PLEKHA5: variants seen among roughly 807,000 people sequenced by gnomAD.
The protein encoded by PLEKHA5 is pleckstrin homology domain containing A5.
PLEKHA5 carries 55 observed loss-of-function variants against 181.9 expected under a neutral mutation model. The observed-to-expected ratio is 0.30, with a 90% CI of 0.24 to 0.38. The LOEUF (loss-of-function observed/expected upper bound fraction) is 0.38. PLEKHA5 is among the 10% of genes least tolerant of loss of function. The probability of loss-of-function intolerance (pLI) is 1.00; values close to 1 mark genes in which losing one functional copy is unlikely to be tolerated. For synonymous variants in PLEKHA5, 535 were observed against 529.4 expected, an observed-to-expected ratio of 1.01 and a Z score of -0.15; for missense variants, 1,432 against 1,549.5, an observed-to-expected ratio of 0.92 and a Z score of 1.27.
intron 20 of PLEKHA5, among the ~76,000 whole-genome samples, chr12:19,335,692 C>T (rs912865741): frequency 6.1e-5 from 9 of 148,498 alleles, no homozygotes; most frequent in Admixed American, 4.8e-4. Context: ...CCTCCTGAGG[C>T]GCAATCTCGG....
At chr12:19,260,922 A>G in intron 6 of PLEKHA5, 27 bp from the exon 7 acceptor site, 1 of 1,365,390 alleles carries the variant, frequency 7.3e-7, no homozygotes, top group Non-Finnish European at 1.0e-6. Flanking sequence ...TTGAGAAATA[A>G]TCCTTAAATA....
chr12:19,375,238 C>A (rs543872587), intron 31 of PLEKHA5, among the ~76,000 whole-genome samples: 3 of 151,560 alleles, frequency 2.0e-5, no homozygotes, highest in Non-Finnish European at 4.4e-5. Context: ...GCAGGAGAAT[C>A]GCTTGAACCC....
At chr12:19,246,640 A>T (rs7975111) in intron 3 of PLEKHA5, among the ~76,000 whole-genome samples, 21 of 151,282 alleles carry the variant, frequency 1.4e-4, no homozygotes, top group African/African-American at 5.1e-4. Context: ...ACAATCTAGT[A>T]CATTTAGTAC....
chr12:19,210,926 A>G (rs1171587080), intron 3 of PLEKHA5, among the ~76,000 whole-genome samples: 1 of 151,236 alleles, frequency 6.6e-6, no homozygotes, highest in Non-Finnish European at 1.5e-5. Context: ...TTTTTTTTAT[A>G]TTTGAAGAGT....
At chr12:19,366,327 C>T (rs2095420915) in intron 30 of PLEKHA5, among the ~76,000 whole-genome samples, 1 of 152,078 alleles carries the variant, frequency 6.6e-6, no homozygotes, top group Non-Finnish European at 1.5e-5. Context: ...TTGCTTTTTC[C>T]TTTCAATTTT....
intron 21 of PLEKHA5, among the ~76,000 whole-genome samples, chr12:19,341,773 C>A (rs1306701779): frequency 6.6e-6 from 1 of 151,838 alleles, no homozygotes; most frequent in Non-Finnish European, 1.5e-5. Flanking sequence ...CACTCTGTCA[C>A]CTAGGCTGGA....
chr12:19,362,799 A>G (rs931449902), intron 29 of PLEKHA5, among the ~76,000 whole-genome samples: 19 of 152,118 alleles, frequency 1.2e-4, no homozygotes, highest in Admixed American at 7.2e-4. Flanking sequence ...CTTAAAAAAA[A>G]AAAGTCAAAA....
intron 3 of PLEKHA5, among the ~76,000 whole-genome samples, chr12:19,196,301 G>C (rs1261344484): frequency 6.6e-6 from 1 of 152,132 alleles, no homozygotes; most frequent in African/African-American, 2.4e-5. Flanking sequence ...TTTAATAGTA[G>C]ATTTTTCATA....
intron 15 of PLEKHA5, among the ~76,000 whole-genome samples, chr12:19,303,013 C>G (rs1322783733): frequency 7.0e-6 from 1 of 142,878 alleles, no homozygotes; most frequent in Non-Finnish European, 1.5e-5. Context: ...CCTCCATTTC[C>G]CGGGTTCAAC....
At chr12:19,319,952 GT>G (rs1230531012) in intron 16 of PLEKHA5, 68 bp from the exon 17 acceptor site, 2 of 1,067,752 alleles carry the variant, frequency 1.9e-6, no homozygotes, top group Non-Finnish European at 1.3e-6. Flanking sequence ...TAGGCTTTCA[GT>G]TTTATAAGAT....
intron 3 of PLEKHA5, among the ~76,000 whole-genome samples, chr12:19,222,821 C>A (rs1417537863): frequency 6.6e-6 from 1 of 151,928 alleles, no homozygotes; most frequent in Non-Finnish European, 1.5e-5. Context: ...CTCTGCTTAC[C>A]CTGCCAAAGA....
chr12:19,161,468 G>A (rs561473006), intron 3 of PLEKHA5, among the ~76,000 whole-genome samples: 29 of 152,104 alleles, frequency 1.9e-4, no homozygotes, highest in Non-Finnish European at 3.8e-4. Flanking sequence ...TTACCGGTTA[G>A]CTGCTTATTA....
chr12:19,150,766 A>G (rs1010814519), intron 3 of PLEKHA5: 1 of 152,268 alleles, frequency 6.6e-6, no homozygotes, highest in Admixed American at 6.5e-5. Context: ...GGCCGTGGTC[A>G]GTAGGAGCTC....
intron 11 of PLEKHA5, among the ~76,000 whole-genome samples, chr12:19,280,510 C>T (rs7304856): frequency 0.066 from 10,082 of 151,986 alleles, 572 homozygotes; most frequent in East Asian, 0.18. Flanking sequence ...CATGTAATTA[C>T]CAATATCTCT....
rs1383845259 is a variant in PLEKHA5, at chr12:19,365,617, T to C, written c.3609-347T>C. Among the ~76,000 whole-genome samples the C allele has an allele frequency of 3.3e-5, 5 of 152,220 alleles. No individual in the cohort carries two copies. The East Asian group carries it at 9.7e-4, about 29-fold the overall frequency. ...ATGACATTATGAGGCACCAGGAAAATTTAAGCACTGACTGGATATTTGATG... is the reference window on the plus strand; with the variant it reads ...ATGACATTATGAGGCACCAGGAAAACTTAAGCACTGACTGGATATTTGATG... On this transcript the variant is annotated intron_variant, in intron 29 of 31. Transcript: ENST00000429027.
intron 17 of PLEKHA5, among the ~76,000 whole-genome samples, 183 bp from the exon 18 acceptor site, chr12:19,320,379 A>C (rs138945246): frequency 1.7e-4 from 26 of 152,162 alleles, no homozygotes; most frequent in African/African-American, 5.8e-4. Flanking sequence ...ATATTATATC[A>C]CTGTTAAGTA....
chr12:19,216,138 C>T (rs184460395), intron 3 of PLEKHA5, among the ~76,000 whole-genome samples: 35 of 152,184 alleles, frequency 2.3e-4, no homozygotes, highest in Non-Finnish European at 4.1e-4. Flanking sequence ...TTGGTTTATC[C>T]GGAGAGACAG....
chr12:19,225,518 T>C (rs1053873505), intron 3 of PLEKHA5, among the ~76,000 whole-genome samples: 1 of 152,212 alleles, frequency 6.6e-6, no homozygotes, highest in Non-Finnish European at 1.5e-5. Context: ...TACATTATGC[T>C]GTATGGTCTG....
At chr12:19,298,273 A>T (rs2080451664) in intron 15 of PLEKHA5, among the ~76,000 whole-genome samples, 1 of 152,086 alleles carries the variant, frequency 6.6e-6, no homozygotes, top group Non-Finnish European at 1.5e-5. Flanking sequence ...AATAATAATA[A>T]TGGCAGAACT....
Sources: gnomAD v4.1 joint callset for allele counts (sites outside exome capture counted in the v4.1 genomes callset) on GRCh38, gnomAD v4.1.1 for gene constraint, MANE v1.5 for transcripts, NCBI Gene and HGNC (gene_info 2026-07-23, HGNC 2026-07-21) for gene names.